LIN52: variants seen among roughly 807,000 people sequenced by gnomAD.
The protein encoded by LIN52 is lin-52 DREAM MuvB core complex component, also known as protein lin-52 homolog.
LIN52 carries 4 observed loss-of-function variants against 18.5 expected under a neutral mutation model. The ratio of observed to expected loss-of-function variants is 0.22; its 90% CI spans 0.11 to 0.49. LIN52 has a LOEUF of 0.49. LIN52 is among the 20% of genes least tolerant of loss of function. The pLI, the probability that LIN52 is intolerant of heterozygous loss-of-function variation, is 0.97. For missense variants in LIN52, 102 were observed against 139.5 expected (o/e 0.73, Z 1.35); for synonymous variants, 34 against 45.5 (o/e 0.75, Z 1.02).
intron 1 of LIN52, among the ~76,000 whole-genome samples, chr14:74,087,671 G>C (rs544555218): frequency 6.6e-6 from 1 of 152,090 alleles, no homozygotes; most frequent in African/African-American, 2.4e-5. Flanking sequence ...TGTTCCACCT[G>C]TCACTGTCTT....
chr14:74,091,342 A>T, intron 2 of LIN52, 36 bp downstream of exon 2: 1 of 1,300,564 alleles, frequency 7.7e-7, no homozygotes, highest in South Asian at 1.3e-5. Flanking sequence ...GAGTCAATGC[A>T]GGAGAAACAA....
intron 5 of LIN52, among the ~76,000 whole-genome samples, chr14:74,151,491 A>G (rs2061176727): frequency 1.3e-5 from 2 of 149,610 alleles, no homozygotes; most frequent in Non-Finnish European, 3.0e-5. Flanking sequence ...ATTAGGATGC[A>G]GTTGAGCAGA....
chr14:74,179,613 G>A (rs2139583550), intron 5 of LIN52, among the ~76,000 whole-genome samples: 1 of 147,980 alleles, frequency 6.8e-6, no homozygotes, highest in South Asian at 2.1e-4. Context: ...CCAAGATCAG[G>A]CCACTGCACT....
rs2078946418 is a variant in LIN52, at chr14:74,201,059, A to G, written c.*2082A>G. 1 of 152,204 alleles carries G rather than the reference A, an allele frequency of 6.6e-6. No individual in the cohort carries two copies. Among genetic ancestry groups the G allele is most frequent in the Non-Finnish European group, 1.5e-5 (1 of 68,044 alleles). The allele number at this position is 152,204 out of a possible 1,614,324, so 9.4% of individuals were successfully genotyped here. Reference sequence around the variant, plus strand: ...CACTTAATGTAAGTAGATGTTTTAGAATTGCAATATTTATTGGTTTAGTAT... The same window carrying G: ...CACTTAATGTAAGTAGATGTTTTAGGATTGCAATATTTATTGGTTTAGTAT... On this transcript the variant is annotated 3_prime_UTR_variant, in exon 6 of 6. Transcript: ENST00000555028.
rs1295202273 is a variant in LIN52 at position 74,197,325 on chromosome 14, A to G, written c.284-1597A>G. ...CTTCGCAGTGCAGCAGAGCAAGGAT[A>G]AAGAAATGAGGAATAAAATAAGGGC... On this transcript the variant is annotated intron_variant, in intron 5 of 5. Coordinates refer to ENST00000555028, the MANE Select transcript of LIN52 (RefSeq NM_001024674.3). Among the ~76,000 whole-genome samples, 5 of 152,196 alleles carry G rather than the reference A, an allele frequency of 3.3e-5. No individual in the cohort carries two copies. In the South Asian group the frequency reaches 6.2e-4, roughly 19 times the overall value.
At chr14:74,163,892 CA>C (rs1221345948) in intron 5 of LIN52, among the ~76,000 whole-genome samples, 1 of 152,032 alleles carries the variant, frequency 6.6e-6, no homozygotes, top group Non-Finnish European at 1.5e-5. Flanking sequence ...TTCTCTCCCA[CA>C]AAAGACTGGA....
intron 5 of LIN52, among the ~76,000 whole-genome samples, chr14:74,151,985 G>C (rs1043632558): frequency 6.6e-6 from 1 of 152,152 alleles, no homozygotes; most frequent in Non-Finnish European, 1.5e-5. Flanking sequence ...GGCAGGGCGA[G>C]GTGGCTCACG....
intron 5 of LIN52, among the ~76,000 whole-genome samples, chr14:74,113,391 C>CA (rs958578786): frequency 8.7e-5 from 13 of 149,842 alleles, no homozygotes; most frequent in African/African-American, 2.0e-4. Flanking sequence ...GACTCTGTCT[C>CA]AAAAAAAAGG....
intron 5 of LIN52, among the ~76,000 whole-genome samples, chr14:74,106,838 C>T (rs950442126): frequency 1.3e-5 from 2 of 151,970 alleles, no homozygotes; most frequent in African/African-American, 4.8e-5. Flanking sequence ...GTGATTTGCC[C>T]GCCTGGCCTC....
chr14:74,134,841 T>G (rs952968374), intron 5 of LIN52, among the ~76,000 whole-genome samples: 1 of 152,230 alleles, frequency 6.6e-6, no homozygotes, highest in Non-Finnish European at 1.5e-5. Context: ...GGAGCAATTC[T>G]TAATATAACT....
chr14:74,137,896 G>A (rs2061107525), intron 5 of LIN52, among the ~76,000 whole-genome samples: 1 of 152,058 alleles, frequency 6.6e-6, no homozygotes, highest in South Asian at 2.1e-4. Context: ...ATTGAGTTTT[G>A]AGTTCTCTCT....
chr14:74,106,508 C>G (rs766925181), intron 5 of LIN52, among the ~76,000 whole-genome samples: 1 of 152,102 alleles, frequency 6.6e-6, no homozygotes, highest in Non-Finnish European at 1.5e-5. Flanking sequence ...CTGGGCTCAA[C>G]CAGTCCTCCC....
At chr14:74,142,888 T>C (rs2139955061) in intron 5 of LIN52, among the ~76,000 whole-genome samples, 1 of 147,996 alleles carries the variant, frequency 6.8e-6, no homozygotes, top group Admixed American at 6.7e-5. Context: ...TTTGGTTCTT[T>C]ACAAAAAACC....
intron 5 of LIN52, among the ~76,000 whole-genome samples, chr14:74,137,167 TATA>T (rs1437655099): frequency 1.1e-4 from 16 of 140,124 alleles, no homozygotes; most frequent in Admixed American, 3.7e-4. Flanking sequence ...TATATATATA[TATA>T]TATTTTTTTA....
intron 5 of LIN52, among the ~76,000 whole-genome samples, chr14:74,104,363 G>T (rs2060883716): frequency 6.6e-6 from 1 of 151,956 alleles, no homozygotes; most frequent in Non-Finnish European, 1.5e-5. Context: ...ATCTAAATAA[G>T]GTTCATATAC....
At chr14:74,174,821 C>T (rs1253553967) in intron 5 of LIN52, 1 of 150,250 alleles carries the variant, frequency 6.7e-6, no homozygotes, top group Admixed American at 6.7e-5. Context: ...GCCTGGGCAA[C>T]ATGTCAAGGT....
At chr14:74,176,089 A>G (rs12147975) in intron 5 of LIN52, among the ~76,000 whole-genome samples, 15,367 of 152,204 alleles carry the variant, frequency 0.1, 857 homozygotes, top group South Asian at 0.18. Context: ...AGAGGCAGTA[A>G]CACACATGGA....
At chr14:74,195,070 G>A (rs139278137) in intron 5 of LIN52, among the ~76,000 whole-genome samples, 1,567 of 152,112 alleles carry the variant, frequency 0.01, 32 homozygotes, top group African/African-American at 0.036. Context: ...CACTTGAACC[G>A]GGGAGGCAGA....
chr14:74,164,961 T>A (rs1480480053), intron 5 of LIN52, among the ~76,000 whole-genome samples: 1 of 152,204 alleles, frequency 6.6e-6, no homozygotes, highest in African/African-American at 2.4e-5. Context: ...GTAAAATTGA[T>A]AAATCGCATG....
Sources: gnomAD v4.1 joint callset for allele counts (sites outside exome capture counted in the v4.1 genomes callset) on GRCh38, gnomAD v4.1.1 for gene constraint, MANE v1.5 for transcripts, NCBI Gene and HGNC (gene_info 2026-07-23, HGNC 2026-07-21) for gene names.